The following TXK variants were observed in gnomAD, a reference collection of about 807,000 sequenced individuals.
TXK encodes the protein tyrosine-protein kinase TXK.
A neutral mutation model predicts 81.0 loss-of-function variants in TXK; 60 were observed. The observed-to-expected ratio is 0.74, with a 90% CI of 0.60 to 0.92. TXK has a LOEUF of 0.92. TXK is among the 40% of genes least tolerant of loss of function. TXK has a pLI of 0.00. For synonymous variants in TXK, 203 were observed against 210.7 expected, an observed-to-expected ratio of 0.96 and a Z score of 0.32; for missense variants, 581 against 638.3, an observed-to-expected ratio of 0.91 and a Z score of 0.97.
intron 4 of TXK, 81 bp from the exon 5 acceptor site, chr4:48,110,684 A>C: frequency 1.2e-5 from 12 of 1,012,892 alleles, no homozygotes; most frequent in Non-Finnish European, 1.7e-5. Context: ...TTAAAACCTC[A>C]AGGATGTAGG....
chr4:48,075,206 A>G (rs764645648), intron 12 of TXK, among the ~76,000 whole-genome samples: 10 of 152,268 alleles, frequency 6.6e-5, no homozygotes, highest in Non-Finnish European at 1.2e-4. Context: ...TCCTACTCCC[A>G]CATTAGGTTG....
At chr4:48,091,350 T>G (rs930518675) in intron 8 of TXK, among the ~76,000 whole-genome samples, 1 of 151,890 alleles carries the variant, frequency 6.6e-6, no homozygotes, top group African/African-American at 2.4e-5. Context: ...ACTCAGGAGG[T>G]AGAGCCAGAC....
intron 14 of TXK, 78 bp from the exon 15 acceptor site, chr4:48,067,783 T>C: frequency 7.3e-7 from 1 of 1,369,784 alleles, no homozygotes; most frequent in Non-Finnish European, 1.0e-6. Context: ...ACGCTAAGCA[T>C]GTGGGAGTCA....
rs9993615 is a variant in TXK at position 48,131,972 on chromosome 4, G to C, written c.16+2183C>G. Among the ~76,000 whole-genome samples the C allele has an allele frequency of 4.8e-3, 729 of 151,826 alleles. 4 individuals are homozygous for C. The highest frequency in any genetic ancestry group is 0.017 in the African/African-American group (702 of 41,378). ...TGGCCTATATTTCTGTTTACAGGAG[G>C]CTTGTTCTTATCTGCGTGAATGGAA... On this transcript the variant is annotated intron_variant, in intron 1 of 14. Transcript: ENST00000264316.
intron 8 of TXK, among the ~76,000 whole-genome samples, chr4:48,091,616 C>G (rs1717779753): frequency 6.6e-6 from 1 of 152,068 alleles, no homozygotes; most frequent in African/African-American, 2.4e-5. Flanking sequence ...AGCGATTCTC[C>G]TGCCTCAGCC....
At chr4:48,088,932 T>C (rs1440186169) in intron 9 of TXK, among the ~76,000 whole-genome samples, 3 of 152,184 alleles carry the variant, frequency 2.0e-5, no homozygotes, top group Non-Finnish European at 4.4e-5. Flanking sequence ...GAATAAAATG[T>C]CACCAAATTA....
chr4:48,096,199 C>A (rs1405227619), intron 6 of TXK, among the ~76,000 whole-genome samples: 1 of 152,146 alleles, frequency 6.6e-6, no homozygotes, highest in Non-Finnish European at 1.5e-5. Context: ...CTCTTGCAGC[C>A]ATTCGAAATA....
chr4:48,107,416 A>C, intron 5 of TXK, among the ~76,000 whole-genome samples: 5 of 146,400 alleles, frequency 3.4e-5, no homozygotes, highest in Admixed American at 6.8e-5. Flanking sequence ...ACCTGCTACC[A>C]CCTTTAGACC....
At chr4:48,095,395 T>A (rs769330511) in intron 6 of TXK, among the ~76,000 whole-genome samples, 173 bp from the exon 7 acceptor site, 13 of 152,232 alleles carry the variant, frequency 8.5e-5, no homozygotes, top group Non-Finnish European at 1.6e-4. Context: ...ATCTCCCTTA[T>A]AGATTTAGAA....
chr4:48,092,655 G>A (rs190854855), intron 8 of TXK, among the ~76,000 whole-genome samples: 2 of 152,258 alleles, frequency 1.3e-5, no homozygotes, highest in Admixed American at 6.5e-5. Context: ...GGATAAGAAA[G>A]TCTTAAGCAT....
chr4:48,115,774 G>C (rs1202709778), intron 1 of TXK, among the ~76,000 whole-genome samples: 1 of 152,108 alleles, frequency 6.6e-6, no homozygotes, highest in Non-Finnish European at 1.5e-5. Flanking sequence ...AGGATCCCTT[G>C]AGCCTGGGAG....
At chr4:48,067,776 C>T in intron 14 of TXK, 71 bp from the exon 15 acceptor site, 1 of 1,444,262 alleles carries the variant, frequency 6.9e-7, no homozygotes, top group Non-Finnish European at 9.7e-7. Flanking sequence ...TTTTGGAACG[C>T]TAAGCATGTG....
intron 6 of TXK, among the ~76,000 whole-genome samples, chr4:48,101,705 G>A (rs1229906503): frequency 6.6e-6 from 1 of 150,908 alleles, no homozygotes; most frequent in African/African-American, 2.4e-5. Context: ...TTCTGATAAA[G>A]ACCCAGATGT....
chr4:48,070,432 A>AG (rs1716793116), intron 14 of TXK, among the ~76,000 whole-genome samples: 1 of 152,222 alleles, frequency 6.6e-6, no homozygotes, highest in Non-Finnish European at 1.5e-5. Flanking sequence ...GATGAAACCC[A>AG]TTACTATTAG....
chr4:48,099,429 A>G (rs796522933), intron 6 of TXK, among the ~76,000 whole-genome samples: 5 of 152,292 alleles, frequency 3.3e-5, no homozygotes, highest in African/African-American at 1.2e-4. Context: ...ATTTTTTTCT[A>G]TATGAATATC....
At chr4:48,105,786 C>T (rs947573136) in intron 5 of TXK, among the ~76,000 whole-genome samples, 5 of 152,304 alleles carry the variant, frequency 3.3e-5, no homozygotes, top group Admixed American at 1.3e-4. Context: ...AGTCTCCCCT[C>T]ACTCACTAAG....
chr4:48,108,037 C>T (rs2109463828), intron 5 of TXK, among the ~76,000 whole-genome samples: 2 of 152,116 alleles, frequency 1.3e-5, no homozygotes, highest in Middle Eastern at 3.4e-3. Flanking sequence ...CGACACTGCA[C>T]TCCAGCCTGG....
At chr4:48,096,245 C>T (rs534377916) in intron 6 of TXK, among the ~76,000 whole-genome samples, 2 of 152,262 alleles carry the variant, frequency 1.3e-5, no homozygotes, top group African/African-American at 2.4e-5. Context: ...CTACAATGTA[C>T]AAGGGTACTG....
intron 14 of TXK, among the ~76,000 whole-genome samples, chr4:48,068,696 G>C (rs1716703589): frequency 6.6e-6 from 1 of 152,176 alleles, no homozygotes; most frequent in African/African-American, 2.4e-5. Context: ...GATTCCAAGA[G>C]GAAGAAGAGA....
Sources: gnomAD v4.1 joint callset for allele counts (sites outside exome capture counted in the v4.1 genomes callset) on GRCh38, gnomAD v4.1.1 for gene constraint, MANE v1.5 for transcripts, NCBI Gene and HGNC (gene_info 2026-07-23, HGNC 2026-07-21) for gene names.